DMD: variants seen among roughly 807,000 people sequenced by gnomAD.
DMD encodes dystrophin.
A neutral mutation model predicts 330.1 loss-of-function variants in DMD; 63 were observed. The ratio of observed to expected loss-of-function variants is 0.19; its 90% CI spans 0.16 to 0.24. The LOEUF is 0.24. Ranked by LOEUF, DMD falls within the 10% of genes least tolerant of loss-of-function variation. The probability of loss-of-function intolerance (pLI) is 1.00; values close to 1 mark genes in which losing one functional copy is unlikely to be tolerated. For synonymous variants in DMD, 1,223 were observed against 959.8 expected (o/e 1.27, Z -5.07); for missense variants, 3,344 against 2,684.1 (o/e 1.25, Z -5.43).
chrX:33,282,503 G>C (rs1267717706), intron 1 of DMD, among the ~76,000 whole-genome samples: 4 of 111,621 alleles, frequency 3.6e-5, no homozygotes. Flanking sequence ...GTTGCACCCA[G>C]CCACCTAAGT....
Position 32,903,399 on chromosome X carries a change from G to A in DMD, c.94-53579C>T, listed in dbSNP as rs780738490. On this transcript the variant is annotated intron_variant, in intron 2 of 78. Coordinates refer to ENST00000357033, the MANE Select transcript of DMD (RefSeq NM_004006.3). ...CAGCAGAGGAGGCGAGGTAGAGGAA[G>A]GCAAAAACCAAATTACAAAGGGCAT... Among the ~76,000 whole-genome samples, 3 of 109,994 alleles carry A rather than the reference G, an allele frequency of 2.7e-5. No homozygotes were observed. In the Admixed American group the frequency reaches 2.9e-4, roughly 11 times the overall value.
At chrX:31,284,306 C>T (rs559598519) in intron 62 of DMD, among the ~76,000 whole-genome samples, 1 of 111,111 alleles carries the variant, frequency 9.0e-6, no homozygotes, top group Non-Finnish European at 1.9e-5. Flanking sequence ...AGCAAGCATC[C>T]GCAAATGAGG....
Position 32,787,855 on chromosome X carries a change from T to A in DMD, c.649+21638A>T, listed in dbSNP as rs773941517. Among the ~76,000 whole-genome samples the A allele has an allele frequency of 4.5e-5, 5 of 110,857 alleles. No homozygotes were observed. In the East Asian group the frequency reaches 1.1e-3, roughly 25 times the overall value. ...GAGGCAGGCAAAATAACTGGAAAGATCAGTTTTCCCTACAGGAGTATAAAG... is the reference window on the plus strand; with the variant it reads ...GAGGCAGGCAAAATAACTGGAAAGAACAGTTTTCCCTACAGGAGTATAAAG... On this transcript the variant is annotated intron_variant, in intron 7 of 78. Coordinates refer to ENST00000357033, the MANE Select transcript of DMD (RefSeq NM_004006.3).
chrX:31,599,715 T>C (rs1232314840), intron 55 of DMD, among the ~76,000 whole-genome samples: 1 of 112,170 alleles, frequency 8.9e-6, no homozygotes. Context: ...TTTAGTGGTG[T>C]GTTAATTTGC....
intron 1 of DMD, among the ~76,000 whole-genome samples, chrX:33,304,504 A>G (rs370399986): frequency 1.2e-4 from 13 of 110,599 alleles, no homozygotes; most frequent in South Asian, 3.9e-4. Flanking sequence ...ACATAGGCAT[A>G]GGCAAGGACT....
At chrX:32,470,710 G>A (rs2040538233) in intron 22 of DMD, among the ~76,000 whole-genome samples, 1 of 111,336 alleles carries the variant, frequency 9.0e-6, no homozygotes, top group Non-Finnish European at 1.9e-5. Context: ...AACAAAAAAG[G>A]TGAAACAGCT....
At chrX:32,704,676 T>A (rs974415354) in intron 7 of DMD, among the ~76,000 whole-genome samples, 3 of 112,070 alleles carry the variant, frequency 2.7e-5, no homozygotes, top group South Asian at 7.4e-4. Flanking sequence ...GAAACCATGA[T>A]GAGCATCAAC....
intron 43 of DMD, among the ~76,000 whole-genome samples, chrX:32,238,475 A>AGAG (rs1569552520): frequency 2.0e-5 from 2 of 100,165 alleles, no homozygotes; most frequent in African/African-American, 7.5e-5. Context: ...GAGAGAGAGA[A>AGAG]AGAGAGACAC....
At chrX:32,661,910 A>G (rs768453330) in intron 9 of DMD, among the ~76,000 whole-genome samples, 1 of 111,614 alleles carries the variant, frequency 9.0e-6, no homozygotes, top group Non-Finnish European at 1.9e-5. Context: ...TATTACTGGG[A>G]TTTTGTTGGT....
At chrX:31,378,048 G>A (rs1008810904) in intron 60 of DMD, among the ~76,000 whole-genome samples, 17 of 110,953 alleles carry the variant, frequency 1.5e-4, no homozygotes, top group African/African-American at 3.9e-4. Context: ...CTTATAAAAC[G>A]GCCCCACCCC....
At chrX:32,777,279 G>GGGGGGGGGGGGT in intron 7 of DMD, among the ~76,000 whole-genome samples, 1 of 62,558 alleles carries the variant, frequency 1.6e-5, no homozygotes, top group Non-Finnish European at 3.0e-5. Flanking sequence ...TTTCTGGTTG[G>GGGGGGGGGGGGT]GGGGGGAATC....
At chrX:31,920,714 T>G (rs995575466) in intron 47 of DMD, among the ~76,000 whole-genome samples, 1 of 112,307 alleles carries the variant, frequency 8.9e-6, no homozygotes, top group South Asian at 3.7e-4. Flanking sequence ...ATTTATACTC[T>G]TCATCATTTT....
intron 44 of DMD, among the ~76,000 whole-genome samples, chrX:31,974,084 A>G (rs758373776): frequency 8.9e-6 from 1 of 112,304 alleles, no homozygotes; most frequent in South Asian, 3.7e-4. Context: ...ACATAGTCAT[A>G]AAAAGAATGA....
intron 44 of DMD, among the ~76,000 whole-genome samples, chrX:32,216,706 C>T (rs767188574): frequency 9.0e-6 from 1 of 111,226 alleles, no homozygotes; most frequent in Non-Finnish European, 1.9e-5. Context: ...CCAGCTCCGT[C>T]CAGGCAAACT....
chrX:31,926,490 C>T (rs1315233911), intron 47 of DMD, among the ~76,000 whole-genome samples: 1 of 110,515 alleles, frequency 9.0e-6, no homozygotes, highest in Non-Finnish European at 1.9e-5. Context: ...GCCTGGCCGA[C>T]ATGGCGAACC....
chrX:32,686,865 A>T (rs1022475839), intron 9 of DMD, among the ~76,000 whole-genome samples: 1 of 111,134 alleles, frequency 9.0e-6, no homozygotes, highest in South Asian at 3.8e-4. Flanking sequence ...TAAAATAATT[A>T]TAATCCTTAA....
intron 44 of DMD, among the ~76,000 whole-genome samples, chrX:32,012,405 T>C (rs1293882116): frequency 1.8e-5 from 2 of 111,817 alleles, no homozygotes; most frequent in Non-Finnish European, 3.8e-5. Context: ...GCACTTCTCT[T>C]CCATTATTGT....
upstream of DMD, among the ~76,000 whole-genome samples, chrX:33,212,161 A>G (rs2051943979): frequency 1.8e-5 from 2 of 112,598 alleles, no homozygotes; most frequent in South Asian, 3.6e-4. Flanking sequence ...GAATACTCTT[A>G]TAATGCAGGA....
intron 23 of DMD, among the ~76,000 whole-genome samples, chrX:32,468,190 T>G (rs1197368435): frequency 9.0e-6 from 1 of 111,052 alleles, no homozygotes; most frequent in Non-Finnish European, 1.9e-5. Flanking sequence ...TACCCGTATC[T>G]TAAAAGACAA....
Sources: allele counts gnomAD v4.1 joint callset (sites outside exome capture counted in the v4.1 genomes callset), GRCh38; gene constraint gnomAD v4.1.1; transcripts MANE v1.5; gene names NCBI Gene and HGNC (gene_info 2026-07-23, HGNC 2026-07-21).